The following SEL1L2 variants were observed in gnomAD, a reference collection of about 807,000 sequenced individuals.
SEL1L2 encodes the protein SEL1L2 adaptor subunit of SYVN1 ubiquitin ligase.
A neutral mutation model predicts 98.8 loss-of-function variants in SEL1L2; 89 were observed. That is an observed-to-expected ratio of 0.90 (90% CI 0.76 to 1.07). SEL1L2 has a LOEUF of 1.07. Ranked by LOEUF, SEL1L2 falls within the 50% of genes least tolerant of loss-of-function variation. The pLI, the probability that SEL1L2 is intolerant of heterozygous loss-of-function variation, is 0.00. For synonymous variants in SEL1L2, 262 were observed against 278.5 expected (o/e 0.94, Z 0.59); for missense variants, 788 against 812.0 (o/e 0.97, Z 0.36).
chr20:13,888,410 C>G, intron 6 of SEL1L2, 49 bp downstream of exon 6: 2 of 1,259,620 alleles, frequency 1.6e-6, no homozygotes, highest in South Asian at 2.6e-5. Flanking sequence ...TTCAATGTCC[C>G]TTTTAGAGAA....
At chr20:13,923,566 C>T (rs1285447031) in intron 3 of SEL1L2, among the ~76,000 whole-genome samples, 1 of 152,106 alleles carries the variant, frequency 6.6e-6, no homozygotes, top group East Asian at 1.9e-4. Context: ...CCAGCCTGGG[C>T]AACATGGTGA....
At chr20:13,922,120 A>C (rs1649500013) in intron 3 of SEL1L2, among the ~76,000 whole-genome samples, 2 of 152,226 alleles carry the variant, frequency 1.3e-5, no homozygotes, top group Admixed American at 6.5e-5. Context: ...TTGAAAATGA[A>C]TTAAGTCCTT....
At chr20:13,913,977 T>G (rs771573103) in intron 4 of SEL1L2, 33 bp from the exon 5 acceptor site, 1 of 1,534,928 alleles carries the variant, frequency 6.5e-7, no homozygotes. Context: ...AGTTTGATTT[T>G]CAAAAATGAA....
chr20:13,984,304 A>G (rs953057092), intron 1 of SEL1L2, among the ~76,000 whole-genome samples: 1 of 151,908 alleles, frequency 6.6e-6, no homozygotes, highest in Non-Finnish European at 1.5e-5. Context: ...GAGCCACCGC[A>G]CTCAGCCTTG....
In SEL1L2 at chr20:13,963,201, A is replaced by G. The variant is rs142759207; in HGVS notation, c.59-7070T>C. ...GCTTCACCATTTATTTCTCTAGTGTAGACTCACCTCCTTTTTGTCCCTGGT... is the reference window on the plus strand; with the variant it reads ...GCTTCACCATTTATTTCTCTAGTGTGGACTCACCTCCTTTTTGTCCCTGGT... On this transcript the variant is annotated intron_variant, in intron 1 of 19. Transcript: ENST00000284951. 3.9e-3 allele frequency among the ~76,000 whole-genome samples: 597 copies of G among 152,164 alleles called. 1 individual carries two copies. The highest frequency in any genetic ancestry group is 6.1e-3 in the Non-Finnish European group (412 of 67,990).
chr20:13,873,554 G>T (rs1000175177), intron 12 of SEL1L2, among the ~76,000 whole-genome samples: 1 of 151,498 alleles, frequency 6.6e-6, no homozygotes, highest in Non-Finnish European at 1.5e-5. Context: ...TAGAGATGGG[G>T]TTTCACCATG....
rs1418193697 is a variant in SEL1L2 at position 13,849,620 on chromosome 20, A to G, written c.1948-16T>C. 3 of 1,612,694 alleles carry G rather than the reference A, an allele frequency of 1.9e-6. No individual in the cohort carries two copies. Among genetic ancestry groups the G allele is most frequent in the African/African-American group, 1.3e-5 (1 of 74,970 alleles). On this transcript the variant is annotated splice_polypyrimidine_tract_variant and intron_variant, in intron 19 of 19. Coordinates refer to ENST00000284951, the MANE Select transcript of SEL1L2 (RefSeq NM_025229.2). ...TCGTTGTGAACTGCTGGCAAGAGAC[A>G]TTCTCTCAAAAACAATCCAAGCTTC...
At chr20:13,965,833 G>T (rs1244557313) in intron 1 of SEL1L2, among the ~76,000 whole-genome samples, 1 of 151,746 alleles carries the variant, frequency 6.6e-6, no homozygotes, top group African/African-American at 2.4e-5. Context: ...TGCGCCTGTA[G>T]TCCCAGCTAC....
intron 3 of SEL1L2, among the ~76,000 whole-genome samples, chr20:13,923,225 TTTCA>T (rs1347237722): frequency 6.6e-6 from 1 of 152,246 alleles, no homozygotes; most frequent in Non-Finnish European, 1.5e-5. Flanking sequence ...TATGTAGCAT[TTTCA>T]TTATCAATTA....
chr20:13,979,559 T>C (rs1338696146), intron 1 of SEL1L2, among the ~76,000 whole-genome samples: 1 of 152,122 alleles, frequency 6.6e-6, no homozygotes, highest in Non-Finnish European at 1.5e-5. Context: ...AAAGAAAAAA[T>C]ATTCAGAAGA....
intron 10 of SEL1L2, 115 bp downstream of exon 10, chr20:13,885,232 G>A (rs1600605230): frequency 4.1e-6 from 3 of 731,618 alleles, no homozygotes; most frequent in Non-Finnish European, 7.5e-6. Flanking sequence ...GGAAGCATCA[G>A]TGGGCTTTCT....
At chr20:13,868,597 T>C (rs537826667) in intron 14 of SEL1L2, among the ~76,000 whole-genome samples, 100 of 151,362 alleles carry the variant, frequency 6.6e-4, no homozygotes, top group African/African-American at 2.2e-3. Context: ...CATATTTCAT[T>C]CTTTCTTACT....
At chr20:13,973,506 T>C (rs1027839201) in intron 1 of SEL1L2, 2 of 152,228 alleles carry the variant, frequency 1.3e-5, no homozygotes, top group African/African-American at 4.8e-5. Flanking sequence ...ACCAGTGACT[T>C]TGTGGGTATT....
intron 1 of SEL1L2, 145 bp downstream of exon 1, chr20:13,990,332 A>G: frequency 1.5e-6 from 1 of 653,508 alleles, no homozygotes; most frequent in Admixed American, 2.9e-5. Context: ...TTCTTATTGG[A>G]CATTTTAAAG....
At chr20:13,873,017 C>T (rs1387270315) in intron 12 of SEL1L2, among the ~76,000 whole-genome samples, 1 of 148,506 alleles carries the variant, frequency 6.7e-6, no homozygotes, top group African/African-American at 2.5e-5. Context: ...TTGAGACAGA[C>T]TCTTGCTCTA....
At chr20:13,985,584 G>C (rs181539271) in intron 1 of SEL1L2, among the ~76,000 whole-genome samples, 3 of 151,938 alleles carry the variant, frequency 2.0e-5, no homozygotes, top group African/African-American at 7.3e-5. Flanking sequence ...CAATATTTTG[G>C]TTTTCCTCTT....
intron 1 of SEL1L2, among the ~76,000 whole-genome samples, chr20:13,988,874 C>T (rs994844516): frequency 9.2e-5 from 14 of 151,950 alleles, no homozygotes; most frequent in African/African-American, 2.4e-4. Flanking sequence ...ATTAGCCAGG[C>T]GTGGTGGCAG....
At chr20:13,865,117 A>G (rs1263759086) in intron 17 of SEL1L2, 50 bp downstream of exon 17, 7 of 1,438,806 alleles carry the variant, frequency 4.9e-6, no homozygotes, top group Admixed American at 1.8e-5. Context: ...CGTGATGAAT[A>G]ACAGAGGACA....
At chr20:13,924,086 T>C (rs993642174) in intron 3 of SEL1L2, among the ~76,000 whole-genome samples, 1 of 152,216 alleles carries the variant, frequency 6.6e-6, no homozygotes, top group African/African-American at 2.4e-5. Flanking sequence ...TTATTGACTT[T>C]ACCTTGAAGT....
Sources: allele counts gnomAD v4.1 joint callset (sites outside exome capture counted in the v4.1 genomes callset), GRCh38; gene constraint gnomAD v4.1.1; transcripts MANE v1.5; gene names NCBI Gene and HGNC (gene_info 2026-07-23, HGNC 2026-07-21).